Variants in CAPN13 observed in about 807,000 individuals in gnomAD.
CAPN13 encodes calpain 13, also known as calpain-13.
Under a neutral mutation model 98.4 loss-of-function variants are expected in CAPN13, and 90 were observed. The observed-to-expected ratio is 0.92, with a 90% CI of 0.77 to 1.09. CAPN13 has a LOEUF of 1.09. Among genes scored for constraint, CAPN13 ranks in the 50% least tolerant of loss-of-function variants. The probability of loss-of-function intolerance (pLI) is 0.00; values close to 1 mark genes in which losing one functional copy is unlikely to be tolerated. For missense variants in CAPN13, 887 were observed against 841.3 expected, an observed-to-expected ratio of 1.05 and a Z score of -0.67; for synonymous variants, 330 against 305.5, an observed-to-expected ratio of 1.08 and a Z score of -0.84.
At chr2:30,783,793 T>C (rs187029241) in intron 2 of CAPN13, among the ~76,000 whole-genome samples, 1 of 152,224 alleles carries the variant, frequency 6.6e-6, no homozygotes, top group Non-Finnish European at 1.5e-5. Context: ...TCAGCCATTA[T>C]ATAGTTGAAG....
chr2:30,730,664 G>T (rs895389473), intron 22 of CAPN13, 66 bp downstream of exon 22: 2 of 764,828 alleles, frequency 2.6e-6, no homozygotes, highest in Non-Finnish European at 4.9e-6. Context: ...CTTATGTGCA[G>T]TTCTTAGAGG....
intron 1 of CAPN13, among the ~76,000 whole-genome samples, chr2:30,804,914 G>A (rs772995204): frequency 2.0e-5 from 3 of 152,184 alleles, no homozygotes; most frequent in Non-Finnish European, 4.4e-5. Context: ...AGTGCTGTAC[G>A]CAGTGTTCAG....
chr2:30,725,878 A>G (rs1227455530), intron 22 of CAPN13, among the ~76,000 whole-genome samples: 1 of 152,178 alleles, frequency 6.6e-6, no homozygotes, highest in Non-Finnish European at 1.5e-5. Flanking sequence ...ATAAGATAAT[A>G]TGGGTCATGA....
chr2:30,749,530 C>T (rs1672073103), intron 11 of CAPN13, among the ~76,000 whole-genome samples: 2 of 152,180 alleles, frequency 1.3e-5, no homozygotes, highest in Non-Finnish European at 1.5e-5. Context: ...TCAGCTCAGT[C>T]AACAGAAACT....
At chr2:30,764,853 G>C (rs982083780) in intron 5 of CAPN13, among the ~76,000 whole-genome samples, 1 of 152,114 alleles carries the variant, frequency 6.6e-6, no homozygotes, top group Non-Finnish European at 1.5e-5. Flanking sequence ...CCCTGATGCT[G>C]GCAGTGGACA....
chr2:30,736,499 G>T lies in CAPN13; in HGVS notation c.1722+4C>A, dbSNP rs749039729. The T allele has an allele frequency of 6.2e-7, 1 of 1,613,774 alleles. No homozygotes were observed. Among genetic ancestry groups the T allele is most frequent in the Admixed American group, 1.7e-5 (1 of 60,024 alleles). On this transcript the variant is annotated splice_donor_region_variant and intron_variant, in intron 18 of 22. Transcript: ENST00000295055. ...AGTGCTAGTCACAGAGAATGTGCCC[G>T]TACCTGGTAGTGAACAAGGCGCTTC... is the stretch of plus-strand genomic sequence containing the variant.
chr2:30,755,359 T>C (rs1368420240), intron 8 of CAPN13, among the ~76,000 whole-genome samples: 1 of 152,166 alleles, frequency 6.6e-6, no homozygotes, highest in East Asian at 1.9e-4. Flanking sequence ...CCCAGAACCA[T>C]GAGATTCCTG....
chr2:30,727,292 A>G (rs1244450501), intron 22 of CAPN13, among the ~76,000 whole-genome samples: 1 of 152,204 alleles, frequency 6.6e-6, no homozygotes, highest in African/African-American at 2.4e-5. Context: ...AAAATATGTG[A>G]CAAAAGAAAA....
At chr2:30,744,654 C>T (rs1417934975) in intron 12 of CAPN13, among the ~76,000 whole-genome samples, 1 of 152,182 alleles carries the variant, frequency 6.6e-6, no homozygotes, top group Non-Finnish European at 1.5e-5. Flanking sequence ...GTTGACCCCT[C>T]ATAGCCCTGT....
At chr2:30,768,268 G>T (rs1002440835) in intron 5 of CAPN13, among the ~76,000 whole-genome samples, 1 of 152,252 alleles carries the variant, frequency 6.6e-6, no homozygotes. Context: ...ATTGGAATCA[G>T]GTACTGGGCA....
chr2:30,804,367 A>AT (rs929887639), intron 1 of CAPN13, among the ~76,000 whole-genome samples: 50 of 152,150 alleles, frequency 3.3e-4, no homozygotes, highest in Non-Finnish European at 6.0e-4. Flanking sequence ...TGCCTGTCTA[A>AT]TTTTTTTGTA....
At chr2:30,744,517 C>T (rs1159647891) in intron 12 of CAPN13, among the ~76,000 whole-genome samples, 10 of 152,228 alleles carry the variant, frequency 6.6e-5, no homozygotes, top group African/African-American at 1.7e-4. Context: ...TGGGTATGGG[C>T]GAGTGTGCAT....
chr2:30,758,197 G>C lies in CAPN13; in HGVS notation c.775-60C>G, dbSNP rs1672559548. 6.3e-6 allele frequency: 8 copies of C among 1,271,466 alleles called. No homozygotes were observed. In the South Asian group the frequency reaches 1.1e-4, roughly 18 times the overall value. 78.8% of individuals were successfully genotyped at this position (1,271,466 alleles called of 1,614,324 possible). A position where few individuals can be genotyped will look rare whatever the true frequency, so the allele number is the denominator to read the frequency against. ...TACAGCAAAAGTCAGCAGAAAGGGG[G>C]ATGAATGCAGCTGCTTTTTACCTCC... On this transcript the variant is annotated intron_variant, in intron 7 of 22. Coordinates refer to ENST00000295055, the MANE Select transcript of CAPN13 (RefSeq NM_144575.3).
At chr2:30,795,541 C>T (rs1674815622) in intron 1 of CAPN13, among the ~76,000 whole-genome samples, 1 of 152,046 alleles carries the variant, frequency 6.6e-6, no homozygotes, top group Non-Finnish European at 1.5e-5. Flanking sequence ...GTTTATTCTC[C>T]ATTCATGTTC....
intron 22 of CAPN13, among the ~76,000 whole-genome samples, chr2:30,727,217 A>G (rs1031382097): frequency 6.6e-6 from 1 of 152,222 alleles, no homozygotes; most frequent in East Asian, 1.9e-4. Flanking sequence ...TGTAAGAGCT[A>G]AACTATAAAA....
At position 30,770,312 on chromosome 2, in the gene CAPN13, C is replaced by T. The variant is rs1348140906; in HGVS notation, c.524+1G>A. 8 of 1,613,442 alleles carry T rather than the reference C, an allele frequency of 5.0e-6. No individual in the cohort carries two copies. The highest frequency in any genetic ancestry group is 6.8e-6 in the Non-Finnish European group (8 of 1,179,566). On this transcript the variant is annotated splice_donor_variant, in intron 5 of 22. Transcript: ENST00000295055. LOFTEE classifies it high-confidence loss of function. ...CTGATGGGTGGCGGGGTTGTACTTACTTGGCATAGGCCTTCTCCAGCAGGC... is the reference window on the plus strand; with the variant it reads ...CTGATGGGTGGCGGGGTTGTACTTATTTGGCATAGGCCTTCTCCAGCAGGC...
At chr2:30,738,189 A>G (rs1185865665) in intron 17 of CAPN13, 46 bp downstream of exon 17, 6 of 1,607,794 alleles carry the variant, frequency 3.7e-6, no homozygotes, top group Middle Eastern at 1.7e-4. Context: ...AAGCCCACAG[A>G]GCTGAGGGGT....
intron 22 of CAPN13, among the ~76,000 whole-genome samples, chr2:30,723,729 G>T (rs1195995520): frequency 6.6e-6 from 1 of 152,190 alleles, no homozygotes; most frequent in Non-Finnish European, 1.5e-5. Context: ...TGACATTCGT[G>T]CATAGTCATG....
chr2:30,787,407 G>A (rs1674349191), intron 1 of CAPN13, 50 bp from the exon 2 acceptor site: 1 of 1,399,572 alleles, frequency 7.1e-7, no homozygotes, highest in African/African-American at 1.4e-5. Context: ...CAAGTCCTTT[G>A]CATCATCAAA....
Sources: gnomAD v4.1 joint callset for allele counts (sites outside exome capture counted in the v4.1 genomes callset) on GRCh38, gnomAD v4.1.1 for gene constraint, MANE v1.5 for transcripts, NCBI Gene and HGNC (gene_info 2026-07-23, HGNC 2026-07-21) for gene names.